Variants in DNAH5 observed in about 807,000 individuals in gnomAD.
DNAH5 encodes dynein axonemal heavy chain 5.
Under a neutral mutation model 518.2 loss-of-function variants are expected in DNAH5, and 372 were observed. The ratio of observed to expected loss-of-function variants is 0.72; its 90% CI spans 0.66 to 0.78. DNAH5 has a LOEUF of 0.78. DNAH5 is among the 30% of genes least tolerant of loss of function. The probability of loss-of-function intolerance (pLI) is 0.00; values close to 1 mark genes in which losing one functional copy is unlikely to be tolerated. For synonymous variants in DNAH5, 2,039 were observed against 2,025.9 expected (o/e 1.01, Z -0.17); for missense variants, 5,523 against 5,687.0 (o/e 0.97, Z 0.93).
chr5:13,984,583 G>A (rs1387168343), intron 1 of DNAH5, among the ~76,000 whole-genome samples: 1 of 152,192 alleles, frequency 6.6e-6, no homozygotes, highest in Non-Finnish European at 1.5e-5. Context: ...GGAGTGGTGA[G>A]AGAGGGCATC....
At chr5:13,922,086 G>T in intron 5 of DNAH5, 21 bp downstream of exon 5, 1 of 1,611,712 alleles carries the variant, frequency 6.2e-7, no homozygotes, top group South Asian at 1.1e-5. Context: ...ATTTTTAAAG[G>T]AACAGCTTAT....
chr5:13,949,003 CA>C (rs1397142948), upstream of DNAH5, among the ~76,000 whole-genome samples: 1 of 152,024 alleles, frequency 6.6e-6, no homozygotes, highest in Non-Finnish European at 1.5e-5. Context: ...TGAGAAAGAA[CA>C]GATAGAACAC....
At chr5:13,769,696 T>C (rs1218147181) in intron 56 of DNAH5, 81 bp from the exon 57 acceptor site, 1 of 1,171,498 alleles carries the variant, frequency 8.5e-7, no homozygotes, top group Non-Finnish European at 1.3e-6. Context: ...CAATAATGAG[T>C]GGTAATGGTT....
Position 13,892,375 on chromosome 5 carries a change from T to G in DNAH5, c.2432-1254A>C, listed in dbSNP as rs144573517. 3.8e-3 allele frequency among the ~76,000 whole-genome samples: 579 copies of G among 152,332 alleles called. 6 individuals are homozygous for G. Among genetic ancestry groups the G allele is most frequent in the African/African-American group, 0.013 (551 of 41,580 alleles). On this transcript the variant is annotated intron_variant, in intron 16 of 78. Coordinates refer to ENST00000265104, the MANE Select transcript of DNAH5 (RefSeq NM_001369.3). ...AAGGGATTTTGCAGATGTGATCAAG[T>G]TAGGGATTATGTAATGTGCAGAGTG...
intron 65 of DNAH5, among the ~76,000 whole-genome samples, chr5:13,741,860 T>C (rs1346931320): frequency 6.6e-6 from 1 of 152,114 alleles, no homozygotes; most frequent in Non-Finnish European, 1.5e-5. Flanking sequence ...TGCCATGTTT[T>C]AAAACTCTGC....
At chr5:13,876,880 T>G (rs370898149) in intron 21 of DNAH5, 63 bp from the exon 22 acceptor site, 2 of 1,528,974 alleles carry the variant, frequency 1.3e-6, no homozygotes, top group East Asian at 4.5e-5. Flanking sequence ...TTTCAGGAGA[T>G]GAGGATATTT....
At chr5:13,817,496 G>T in intron 42 of DNAH5, 52 bp downstream of exon 42, 1 of 1,580,498 alleles carries the variant, frequency 6.3e-7, no homozygotes, top group South Asian at 1.1e-5. Context: ...TAGCCTCCAA[G>T]GATTCTATCT....
intron 61 of DNAH5, among the ~76,000 whole-genome samples, chr5:13,757,341 T>G (rs1018403011): frequency 2.0e-5 from 3 of 152,208 alleles, no homozygotes; most frequent in Non-Finnish European, 4.4e-5. Flanking sequence ...AAGCATTCTT[T>G]TTCTCCGCAA....
In DNAH5 at chr5:13,762,741, T is replaced by C. The variant is rs1751957147; in HGVS notation, c.10262A>G (p.Lys3421Arg). 6.2e-7 allele frequency: 1 copy of C among 1,613,990 alleles called. No homozygotes were observed. Among genetic ancestry groups the C allele is most frequent in the Admixed American group, 1.7e-5 (1 of 60,004 alleles). Residue 3421 changes from lysine (K) to arginine (R), a missense_variant, in exon 60 of 79, where the codon AAA (lysine) becomes AGA (arginine). Lys to Arg is a conservative substitution (Grantham distance 26, BLOSUM62 2). Around this residue, in one of 3 missense-constraint regions of DNAH5, gnomAD observed 5,121 missense variants for 5,223.3 expected, o/e 0.98. Transcript: ENST00000265104. Reference protein sequence around the residue: ...KAMASFFSINKEVLPLKANLV... With the variant: ...KAMASFFSINREVLPLKANLV... Reference sequence around the variant, plus strand: ...GCTTACCTTCAGAGGCAGTACTTCTTTGTTTATAGAAAAGAAGGAAGCCAT... The same window carrying C: ...GCTTACCTTCAGAGGCAGTACTTCTCTGTTTATAGAAAAGAAGGAAGCCAT...
At chr5:13,782,023 T>A (rs1755232940) in intron 52 of DNAH5, among the ~76,000 whole-genome samples, 1 of 152,134 alleles carries the variant, frequency 6.6e-6, no homozygotes, top group South Asian at 2.1e-4. Flanking sequence ...AGTTACACCA[T>A]CAGTCTTCCA....
At chr5:13,848,985 C>T (rs1350347426) in intron 31 of DNAH5, among the ~76,000 whole-genome samples, 2 of 152,224 alleles carry the variant, frequency 1.3e-5, no homozygotes, top group Non-Finnish European at 2.9e-5. Flanking sequence ...ATATTTGCTA[C>T]AGAAAATCTT....
chr5:13,752,341 G>A lies in DNAH5; in HGVS notation c.10873-52C>T, dbSNP rs1750359479. 1.9e-6 allele frequency: 3 copies of A among 1,582,014 alleles called. No homozygotes were observed. The South Asian group carries it at 3.3e-5, about 18-fold the overall frequency. On this transcript the variant is annotated intron_variant, in intron 63 of 78. Coordinates refer to ENST00000265104, the MANE Select transcript of DNAH5 (RefSeq NM_001369.3). Reference sequence around the variant, plus strand: ...TTGGCAGACATTACCATGAAGCAATGCACAGGGATAACTGTTTTCAAATGA... The same window carrying A: ...TTGGCAGACATTACCATGAAGCAATACACAGGGATAACTGTTTTCAAATGA...
Position 13,714,464 on chromosome 5 carries a change from C to T in DNAH5, c.13066G>A (p.Val4356Met), listed in dbSNP as rs1425031387. 7.4e-6 allele frequency: 12 copies of T among 1,614,058 alleles called. No individual in the cohort carries two copies. Among genetic ancestry groups the T allele is most frequent in the East Asian group, 2.2e-5 (1 of 44,890 alleles). The change falls in exon 75 of 79, where the codon GTG becomes ATG. Residue 4356 changes from valine to methionine, a missense_variant. Val to Met is a conservative substitution (Grantham distance 21, BLOSUM62 1). Transcript: ENST00000265104. ...GGGDETREAVVARLADDMLEK... is the reference protein window; with the variant it reads ...GGGDETREAVMARLADDMLEK... Reference sequence around the variant, plus strand: ...AGCATATCATCAGCCAGCCGGGCCACCACCGCCTCCCGGGTCTCATCCCCT... The same window carrying T: ...AGCATATCATCAGCCAGCCGGGCCATCACCGCCTCCCGGGTCTCATCCCCT...
rs758932371 is a variant in DNAH5 at position 13,777,298 on chromosome 5, A to G, written c.9009T>C (p.Gly3003=). ...TAAAAGTGATTCCTTTGCCTTGCTG[A>G]CCAGCTGTTCGATACAAAACCTTCA... ...EDLKVLYRTA[G]QQGKGITFIF... is the part of the protein sequence containing the mutation. Residue 3003 remains glycine, a synonymous_variant, in exon 54 of 79, where the codon GGT becomes GGC. Transcript: ENST00000265104. 1 of 1,613,466 alleles carries G rather than the reference A, an allele frequency of 6.2e-7. No individual in the cohort carries two copies.
chr5:13,741,519 T>G (rs574585452), intron 65 of DNAH5, among the ~76,000 whole-genome samples: 2 of 152,302 alleles, frequency 1.3e-5, no homozygotes, highest in South Asian at 2.1e-4. Context: ...ATTTCAAATT[T>G]CAGAAAATGT....
rs576424700 is a variant in DNAH5, at chr5:14,002,696, G to T, written c.12+8952C>A. 2.0e-5 allele frequency among the ~76,000 whole-genome samples: 3 copies of T among 152,136 alleles called. No individual in the cohort carries two copies. In the South Asian group the frequency reaches 6.2e-4, roughly 32 times the overall value. On this transcript the variant is annotated intron_variant, in intron 1 of 78. Coordinates refer to the DNAH5 transcript ENST00000681290. Reference sequence around the variant, plus strand: ...AGTATTTTTGTTTAGCAGATCAAAAGTTCCCACTAATGCTAGAAATTTGCA... The same window carrying T: ...AGTATTTTTGTTTAGCAGATCAAAATTTCCCACTAATGCTAGAAATTTGCA...
chr5:13,708,439 A>G, intron 75 of DNAH5, 104 bp from the exon 76 acceptor site: 9 of 987,588 alleles, frequency 9.1e-6, no homozygotes, highest in South Asian at 2.7e-5. Flanking sequence ...TTACTATTCC[A>G]TAAATAATAA....
chr5:13,911,983 T>C (rs942703930), intron 11 of DNAH5, among the ~76,000 whole-genome samples: 2 of 152,190 alleles, frequency 1.3e-5, no homozygotes, highest in Non-Finnish European at 2.9e-5. Context: ...ATCTTAAAAA[T>C]GTCAGACCAG....
chr5:13,944,235 A>G lies in DNAH5; in HGVS notation c.57+147T>C. On this transcript the variant is annotated intron_variant, in intron 1 of 78. Coordinates refer to ENST00000265104, the MANE Select transcript of DNAH5 (RefSeq NM_001369.3). ...TAAAAAATGAATATGTAGCCTATGC[A>G]CCAGGTGAACATTAGTTAAAAAATG... 12 of 800,172 alleles carry G rather than the reference A, an allele frequency of 1.5e-5. No homozygotes were observed. The South Asian group carries it at 1.6e-4, about 11-fold the overall frequency. 49.6% of individuals were successfully genotyped at this position (800,172 alleles called of 1,614,324 possible).
Sources: allele counts gnomAD v4.1 joint callset (sites outside exome capture counted in the v4.1 genomes callset), GRCh38; gene constraint gnomAD v4.1.1; regional missense constraint gnomAD v4.1.1; transcripts MANE v1.5; gene names NCBI Gene and HGNC (gene_info 2026-07-23, HGNC 2026-07-21).